The following PATL1 variants were observed in gnomAD, a reference collection of about 807,000 sequenced individuals.
PATL1 encodes the protein protein PAT1 homolog 1.
Under a neutral mutation model 100.6 loss-of-function variants are expected in PATL1, and 32 were observed. That is an observed-to-expected ratio of 0.32 (90% CI 0.24 to 0.43). The LOEUF is 0.43. Among genes scored for constraint, PATL1 ranks in the 20% least tolerant of loss-of-function variants. PATL1 has a pLI of 1.00. For missense variants in PATL1, 747 were observed against 949.9 expected, an observed-to-expected ratio of 0.79 and a Z score of 2.81; for synonymous variants, 332 against 330.0, an observed-to-expected ratio of 1.01 and a Z score of -0.07.
chr11:59,657,427 G>A, intron 5 of PATL1, 103 bp downstream of exon 5: 1 of 1,114,072 alleles, frequency 9.0e-7, no homozygotes. Flanking sequence ...CTAATCTAAT[G>A]CCTACCCAAA....
rs983416263 is a variant in PATL1, at chr11:59,642,865, A to G, written c.2049+15T>C. 1 of 1,605,664 alleles carries G rather than the reference A, an allele frequency of 6.2e-7. No homozygotes were observed. The highest frequency in any genetic ancestry group is 8.5e-7 in the Non-Finnish European group (1 of 1,175,506). The stretch of plus-strand genomic sequence containing the variant: ...ACATTTCACAAAGTTCAAGGAGTTA[A>G]AAGGGCAAGATCACCTTGTTCTGGA... On this transcript the variant is annotated intron_variant, in intron 16 of 18. Coordinates refer to ENST00000300146, the MANE Select transcript of PATL1 (RefSeq NM_152716.3).
intron 2 of PATL1, among the ~76,000 whole-genome samples, chr11:59,666,314 C>T (rs1861689780): frequency 6.6e-6 from 1 of 152,160 alleles, no homozygotes; most frequent in African/African-American, 2.4e-5. Flanking sequence ...TTCATCTGTG[C>T]ATACTTTTCT....
intron 2 of PATL1, among the ~76,000 whole-genome samples, chr11:59,662,422 C>T (rs1861638920): frequency 6.6e-6 from 1 of 152,092 alleles, no homozygotes; most frequent in Non-Finnish European, 1.5e-5. Flanking sequence ...TTAAGGTAGC[C>T]ATTTTATGAT....
intron 5 of PATL1, chr11:59,657,092 C>A: frequency 1.0e-6 from 1 of 985,356 alleles, no homozygotes; most frequent in Non-Finnish European, 1.2e-6. Context: ...TCCAAATTGG[C>A]CTTCCTTTTC....
At chr11:59,653,097 G>GTT (rs34650341) in intron 9 of PATL1, 79 bp from the exon 10 acceptor site, 27,101 of 868,504 alleles carry the variant, frequency 0.031, no homozygotes, top group South Asian at 0.04. Context: ...AACCAGGCCA[G>GTT]TTTTTTTTTT....
chr11:59,668,076 T>C (rs776180508), intron 1 of PATL1, among the ~76,000 whole-genome samples: 16 of 152,262 alleles, frequency 1.1e-4, no homozygotes, highest in Non-Finnish European at 1.5e-4. Context: ...CAGAGGCAAC[T>C]TCCAGCAGTA....
intron 15 of PATL1, among the ~76,000 whole-genome samples, chr11:59,645,343 C>A: frequency 7.2e-6 from 1 of 138,728 alleles, no homozygotes; most frequent in Non-Finnish European, 1.5e-5. Context: ...CTCCTCACTT[C>A]CCAGTAGGGG....
chr11:59,652,064 CAAAAAAAAAAAAAAA>C (rs748019832), intron 11 of PATL1, among the ~76,000 whole-genome samples: 3 of 52,996 alleles, frequency 5.7e-5, no homozygotes, highest in East Asian at 6.7e-4. Flanking sequence ...GGCTCTTTCT[CAAAAAAAAAAAAAAA>C]AAAAAAAAAA....
intron 14 of PATL1, among the ~76,000 whole-genome samples, chr11:59,648,394 A>G (rs984991254): frequency 6.6e-6 from 1 of 151,514 alleles, no homozygotes; most frequent in African/African-American, 2.4e-5. Context: ...CATGTTGGCC[A>G]GGTTGGTCTC....
At chr11:59,651,229 T>C (rs769748848) in intron 12 of PATL1, among the ~76,000 whole-genome samples, 5 of 152,200 alleles carry the variant, frequency 3.3e-5, no homozygotes, top group Non-Finnish European at 5.9e-5. Context: ...TTCTTTCTGA[T>C]CCTCTTCCTG....
chr11:59,668,022 G>A (rs1355846411), intron 1 of PATL1, among the ~76,000 whole-genome samples: 2 of 152,196 alleles, frequency 1.3e-5, no homozygotes, highest in Middle Eastern at 3.2e-3. Flanking sequence ...TTACCCCAGA[G>A]CCCTTCCAAA....
intron 15 of PATL1, 85 bp from the exon 16 acceptor site, chr11:59,643,120 ATTTG>A: frequency 7.1e-7 from 1 of 1,405,976 alleles, no homozygotes; most frequent in Non-Finnish European, 9.7e-7. Flanking sequence ...AAGGATGTTC[ATTTG>A]TATATTCAAC....
chr11:59,638,914 C>A, intron 18 of PATL1, 134 bp downstream of exon 18: 1 of 1,014,636 alleles, frequency 9.9e-7, no homozygotes. Flanking sequence ...AACTCCTGGC[C>A]TCAAGTGATC....
Position 59,652,884 on chromosome 11 carries a change from A to G in PATL1, c.1256T>C (p.Met419Thr). ...EKDWVSKIQMMQLQSTDPYLD... is the reference protein window; with the variant it reads ...EKDWVSKIQMTQLQSTDPYLD... Reference sequence around the variant, plus strand: ...GTAGGGATCAGTGCTTTGCAGTTGCATCATCTGGATTTTAGAGACCCAATC... The same window carrying G: ...GTAGGGATCAGTGCTTTGCAGTTGCGTCATCTGGATTTTAGAGACCCAATC... The change falls in exon 10 of 19, where the codon ATG (methionine) becomes ACG (threonine). Residue 419 changes from methionine (M) to threonine (T), a missense_variant. Met to Thr is a moderately conservative substitution (Grantham distance 81, BLOSUM62 -1). This residue lies in a region of PATL1 where 434 missense variants were observed against 596.1 expected (regional missense o/e 0.73). Transcript: ENST00000300146. 1 of 1,613,992 alleles carries G rather than the reference A, an allele frequency of 6.2e-7. No homozygotes were observed. The highest frequency in any genetic ancestry group is 1.1e-5 in the South Asian group (1 of 91,088).
At chr11:59,664,500 T>C (rs1271413412) in intron 2 of PATL1, among the ~76,000 whole-genome samples, 1 of 152,230 alleles carries the variant, frequency 6.6e-6, no homozygotes, top group Non-Finnish European at 1.5e-5. Flanking sequence ...TAACATTCAG[T>C]ACAGTATTTT....
In PATL1 at chr11:59,640,510, G is replaced by A. The variant is rs375814681; in HGVS notation, c.2050-1127C>T. ...CAAGGCGGGTGGATCAAGAGGTCAG[G>A]AGATCGAGATCATCCTGGCTAACAC... On this transcript the variant is annotated intron_variant, in intron 16 of 18. Coordinates refer to ENST00000300146, the MANE Select transcript of PATL1 (RefSeq NM_152716.3). 3.4e-5 allele frequency among the ~76,000 whole-genome samples: 5 copies of A among 147,206 alleles called. No individual in the cohort carries two copies. The East Asian group carries it at 8.5e-4, about 25-fold the overall frequency.
At chr11:59,667,796 C>T (rs1460552497) in intron 1 of PATL1, among the ~76,000 whole-genome samples, 1 of 152,186 alleles carries the variant, frequency 6.6e-6, no homozygotes, top group Non-Finnish European at 1.5e-5. Flanking sequence ...TCTATTTTCC[C>T]CCTTTACTTC....
At chr11:59,641,374 T>C (rs1861276231) in intron 16 of PATL1, among the ~76,000 whole-genome samples, 2 of 152,018 alleles carry the variant, frequency 1.3e-5, no homozygotes, top group South Asian at 4.2e-4. Flanking sequence ...GTATGACTCA[T>C]ACCTATAAAT....
rs1861220677 is a variant in PATL1, at chr11:59,638,156, A to G, written c.*234T>C. 2 of 575,706 alleles carry G rather than the reference A, an allele frequency of 3.5e-6. No individual in the cohort carries two copies. The highest frequency in any genetic ancestry group is 2.1e-5 in the South Asian group (1 of 47,376). The allele number at this position is 575,706 out of a possible 1,614,324, so 35.7% of individuals were successfully genotyped here. Reference sequence around the variant, plus strand: ...ACTGAGTAAAAGTAGGACATGCAGAACTGTAACACAGAAGGTAAAGAAACC... The same window carrying G: ...ACTGAGTAAAAGTAGGACATGCAGAGCTGTAACACAGAAGGTAAAGAAACC... On this transcript the variant is annotated 3_prime_UTR_variant, in exon 19 of 19. Transcript: ENST00000300146.
Sources: gnomAD v4.1 joint callset for allele counts (sites outside exome capture counted in the v4.1 genomes callset) on GRCh38, gnomAD v4.1.1 for gene constraint, gnomAD v4.1.1 regional missense constraint, MANE v1.5 for transcripts, NCBI Gene and HGNC (gene_info 2026-07-23, HGNC 2026-07-21) for gene names.